The following KCNK9 variants were observed in gnomAD, a reference collection of about 807,000 sequenced individuals.
The protein encoded by KCNK9 is potassium channel subfamily K member 9.
Under a neutral mutation model 10.8 loss-of-function variants are expected in KCNK9, and 1 was observed. The ratio of observed to expected loss-of-function variants is 0.09; its 90% CI spans 0.03 to 0.44. KCNK9 has a LOEUF of 0.44. Among genes scored for constraint, KCNK9 ranks in the 20% least tolerant of loss-of-function variants. The pLI is 0.97. For synonymous variants in KCNK9, 231 were observed against 222.7 expected, an observed-to-expected ratio of 1.04 and a Z score of -0.33; for missense variants, 303 against 515.0, an observed-to-expected ratio of 0.59 and a Z score of 3.98.
At chr8:139,617,017 G>C (rs1234771869), downstream of KCNK9, 1 of 152,156 alleles carries the variant, frequency 6.6e-6, no homozygotes, top group Non-Finnish European at 1.5e-5. Flanking sequence ...CCTGAGATTG[G>C]CAAGTTCCCA....
intron 1 of KCNK9, among the ~76,000 whole-genome samples, chr8:139,687,385 A>T (rs11778236): frequency 1.1e-5 from 1 of 89,400 alleles, no homozygotes; most frequent in African/African-American, 4.0e-5. Context: ...CATATATATG[A>T]ATATATATGT....
At chr8:139,633,712 G>C (rs1276746975) in intron 1 of KCNK9, among the ~76,000 whole-genome samples, 3 of 152,174 alleles carry the variant, frequency 2.0e-5, no homozygotes, top group Admixed American at 1.3e-4. Context: ...GCTGCGCGAG[G>C]CTCACCAGCT....
At chr8:139,683,865 A>T (rs60960363) in intron 1 of KCNK9, among the ~76,000 whole-genome samples, 1,805 of 152,362 alleles carry the variant, frequency 0.012, 37 homozygotes, top group African/African-American at 0.039. Flanking sequence ...AAGTGTGGCC[A>T]TGTGGCCCAC....
intron 1 of KCNK9, among the ~76,000 whole-genome samples, chr8:139,684,970 T>G (rs1214965840): frequency 6.6e-6 from 1 of 152,232 alleles, no homozygotes; most frequent in Non-Finnish European, 1.5e-5. Flanking sequence ...AATGATAATT[T>G]AAACACTACA....
chr8:139,674,351 C>T (rs1816501700), intron 1 of KCNK9, among the ~76,000 whole-genome samples: 1 of 152,258 alleles, frequency 6.6e-6, no homozygotes, highest in Admixed American at 6.5e-5. Context: ...TGCCAGCACT[C>T]TGCTCTCAGG....
intron 1 of KCNK9, among the ~76,000 whole-genome samples, chr8:139,678,582 C>T (rs1028989175): frequency 3.9e-5 from 6 of 152,266 alleles, no homozygotes; most frequent in East Asian, 3.8e-4. Context: ...TCAACACCCC[C>T]GAGGGCCTCA....
chr8:139,624,026 C>T lies in KCNK9; in HGVS notation c.284-4927G>A, dbSNP rs1354822656. ...CACATCATCCTTACCTAACCCGATG[C>T]CTGGCACCCCCTACAGGCACCCAGC... On this transcript the variant is annotated intron_variant, in intron 1 of 1. Coordinates refer to ENST00000520439, the MANE Select transcript of KCNK9 (RefSeq NM_001282534.2). 7.9e-5 allele frequency among the ~76,000 whole-genome samples: 12 copies of T among 152,184 alleles called. No individual in the cohort carries two copies. The East Asian group carries it at 2.3e-3, about 29-fold the overall frequency.
chr8:139,605,071 A>AG (rs1245310595), intron 2 of KCNK9, among the ~76,000 whole-genome samples: 2 of 152,264 alleles, frequency 1.3e-5, no homozygotes, highest in African/African-American at 4.8e-5. Flanking sequence ...ATACTTGGGC[A>AG]GCTCCTATGG....
intron 1 of KCNK9, among the ~76,000 whole-genome samples, chr8:139,643,823 G>A (rs764611524): frequency 4.6e-5 from 7 of 152,298 alleles, no homozygotes; most frequent in African/African-American, 7.2e-5. Context: ...TTCAACCGCC[G>A]CCACCTTCAG....
intron 1 of KCNK9, among the ~76,000 whole-genome samples, chr8:139,671,391 G>A (rs1280683970): frequency 6.6e-6 from 1 of 152,244 alleles, no homozygotes; most frequent in Non-Finnish European, 1.5e-5. Context: ...CAGAGGAGGT[G>A]AGAGACGCCT....
At chr8:139,631,956 G>A (rs549058667) in intron 1 of KCNK9, among the ~76,000 whole-genome samples, 5 of 152,314 alleles carry the variant, frequency 3.3e-5, no homozygotes, top group African/African-American at 1.2e-4. Flanking sequence ...AAGGATCTAT[G>A]GGTCAGAAGA....
At chr8:139,667,687 C>T (rs898025904) in intron 1 of KCNK9, among the ~76,000 whole-genome samples, 1 of 152,034 alleles carries the variant, frequency 6.6e-6, no homozygotes, top group African/African-American at 2.4e-5. Flanking sequence ...CAGGGTGATA[C>T]TCCATCTCAG....
intron 1 of KCNK9, among the ~76,000 whole-genome samples, chr8:139,627,615 G>A (rs1474214439): frequency 6.6e-6 from 1 of 152,256 alleles, no homozygotes; most frequent in East Asian, 1.9e-4. Context: ...AGTGAGCCCA[G>A]CTCACAGACA....
At chr8:139,698,288 C>T (rs1362959175) in intron 1 of KCNK9, among the ~76,000 whole-genome samples, 1 of 152,150 alleles carries the variant, frequency 6.6e-6, no homozygotes, top group Non-Finnish European at 1.5e-5. Flanking sequence ...GTGGGGTCTG[C>T]TTGGTGCTGT....
chr8:139,608,310 G>A (rs545463601), downstream of KCNK9, among the ~76,000 whole-genome samples: 1 of 152,066 alleles, frequency 6.6e-6, no homozygotes, highest in South Asian at 2.1e-4. Flanking sequence ...CCACCCTGGG[G>A]GCAGATTCCC....
chr8:139,680,797 C>T (rs1354803174), intron 1 of KCNK9, among the ~76,000 whole-genome samples: 1 of 152,126 alleles, frequency 6.6e-6, no homozygotes, highest in East Asian at 1.9e-4. Context: ...GGAACCCAGG[C>T]GGTCGCATTC....
intron 1 of KCNK9, among the ~76,000 whole-genome samples, chr8:139,700,999 A>G (rs762784676): frequency 6.6e-6 from 1 of 152,134 alleles, no homozygotes; most frequent in Non-Finnish European, 1.5e-5. Flanking sequence ...CTTCAACCCT[A>G]AAGGCATGTT....
chr8:139,688,298 G>A (rs549382509), intron 1 of KCNK9, among the ~76,000 whole-genome samples: 3 of 152,228 alleles, frequency 2.0e-5, no homozygotes, highest in East Asian at 1.9e-4. Flanking sequence ...AGAAATACCC[G>A]AGACAGGGTA....
rs566447127 is a variant in KCNK9 at position 139,629,259 on chromosome 8, A to G, written c.284-10160T>C. ...CCTCTGCTGGCTGGGGCCGAGATGC[A>G]TGCGGGGGCGCCCCTGGGGAGGGCA... is the stretch of plus-strand genomic sequence containing the variant. On this transcript the variant is annotated intron_variant, in intron 1 of 1. Transcript: ENST00000520439. Among the ~76,000 whole-genome samples the G allele has an allele frequency of 3.3e-5, 5 of 152,334 alleles. No homozygotes were observed. The East Asian group carries it at 9.6e-4, about 29-fold the overall frequency.
Sources: allele counts gnomAD v4.1 joint callset (sites outside exome capture counted in the v4.1 genomes callset), GRCh38; gene constraint gnomAD v4.1.1; transcripts MANE v1.5; gene names NCBI Gene and HGNC (gene_info 2026-07-23, HGNC 2026-07-21).